The following STAG2 variants were observed in gnomAD, a reference collection of about 807,000 sequenced individuals.
The protein encoded by STAG2 is cohesin subunit SA-2.
A neutral mutation model predicts 108.1 loss-of-function variants in STAG2; 14 were observed. The ratio of observed to expected loss-of-function variants is 0.13; its 90% CI spans 0.09 to 0.20. STAG2 has a LOEUF of 0.20. STAG2 is among the 10% of genes least tolerant of loss of function. STAG2 has a pLI of 1.00. For synonymous variants in STAG2, 307 were observed against 302.7 expected (o/e 1.01, Z -0.15); for missense variants, 440 against 940.9 (o/e 0.47, Z 6.96).
At chrX:124,076,889 T>A (rs2058814692) in intron 26 of STAG2, among the ~76,000 whole-genome samples, 1 of 110,728 alleles carries the variant, frequency 9.0e-6, no homozygotes, top group African/African-American at 3.3e-5. Context: ...TTCCTTTATC[T>A]GTTCCACTGT....
intron 32 of STAG2, among the ~76,000 whole-genome samples, chrX:124,092,887 C>G (rs187095215): frequency 8.9e-6 from 1 of 112,055 alleles, no homozygotes; most frequent in East Asian, 2.8e-4. Flanking sequence ...CTACCCAGAA[C>G]TGTTAGGAAG....
At chrX:123,987,701 A>G (rs1341046621) in intron 1 of STAG2, among the ~76,000 whole-genome samples, 2 of 112,368 alleles carry the variant, frequency 1.8e-5, no homozygotes, top group Non-Finnish European at 3.8e-5. Context: ...TTTAATCAAG[A>G]GCCCTAAAGT....
intron 17 of STAG2, among the ~76,000 whole-genome samples, chrX:124,062,460 A>T (rs1186505566): frequency 8.9e-6 from 1 of 112,354 alleles, no homozygotes; most frequent in Non-Finnish European, 1.9e-5. Flanking sequence ...TCTGTTTTTT[A>T]AAAATTTCTG....
intron 1 of STAG2, among the ~76,000 whole-genome samples, chrX:124,000,365 T>C (rs1242417593): frequency 9.0e-6 from 1 of 111,591 alleles, no homozygotes; most frequent in African/African-American, 3.3e-5. Flanking sequence ...TTTTAGAATG[T>C]ACTATTACTT....
intron 1 of STAG2, among the ~76,000 whole-genome samples, chrX:124,007,648 G>T (rs929055082): frequency 8.9e-6 from 1 of 111,738 alleles, no homozygotes; most frequent in Non-Finnish European, 1.9e-5. Context: ...CTTACAACTT[G>T]GAAAAAGTGT....
intron 13 of STAG2, among the ~76,000 whole-genome samples, chrX:124,052,891 A>G (rs2148241372): frequency 9.5e-6 from 1 of 104,988 alleles, no homozygotes; most frequent in South Asian, 4.3e-4. Flanking sequence ...ATCTCGGCTC[A>G]CCGCAACCTC....
In STAG2 at chrX:124,032,305, C is replaced by G. The variant is rs187307595; in HGVS notation, c.288+1180C>G. Among the ~76,000 whole-genome samples the G allele has an allele frequency of 7.9e-3, 885 of 111,675 alleles. 28 individuals are homozygous for G. Among genetic ancestry groups the G allele is most frequent in the Admixed American group, 0.074 (774 of 10,472 alleles). ...AAGAATAAAAAGTTGGAGGCATATT[C>G]ATGTCGAATCATTCGAATTATGTTT... On this transcript the variant is annotated intron_variant, in intron 5 of 34. Transcript: ENST00000371145.
intron 1 of STAG2, among the ~76,000 whole-genome samples, chrX:123,972,517 C>T (rs1213227174): frequency 6.4e-5 from 7 of 108,843 alleles, no homozygotes; most frequent in East Asian, 5.9e-4. Flanking sequence ...GTGATCCGCC[C>T]GCCTCGGCCT....
chrX:124,034,395 A>G (rs2057441539), intron 5 of STAG2, among the ~76,000 whole-genome samples: 1 of 111,271 alleles, frequency 9.0e-6, no homozygotes. Flanking sequence ...CTTTCCATTG[A>G]TTTCCTGGAA....
intron 1 of STAG2, among the ~76,000 whole-genome samples, chrX:123,973,738 G>T (rs1225641910): frequency 9.3e-6 from 1 of 107,703 alleles, no homozygotes; most frequent in Non-Finnish European, 1.9e-5. Flanking sequence ...CAGCTATTCG[G>T]GAGGCTGAGG....
In STAG2 at chrX:124,044,695, A is replaced by G; in HGVS notation, c.463-469A>G. 2.7e-5 allele frequency among the ~76,000 whole-genome samples: 3 copies of G among 112,063 alleles called. 1 individual carries two copies. The Middle Eastern group carries it at 0.014, about 512-fold the overall frequency. On this transcript the variant is annotated intron_variant, in intron 7 of 34. Coordinates refer to ENST00000371145, the MANE Select transcript of STAG2 (RefSeq NM_001042750.2). ...TCTTTAAAAAATTATGATTGTTTATATCTGTTGACTGTGTGATGTATTTGA... is the reference window on the plus strand; with the variant it reads ...TCTTTAAAAAATTATGATTGTTTATGTCTGTTGACTGTGTGATGTATTTGA...
At chrX:124,054,261 A>G (rs1008609256) in intron 13 of STAG2, among the ~76,000 whole-genome samples, 3 of 112,326 alleles carry the variant, frequency 2.7e-5, no homozygotes, top group Non-Finnish European at 1.9e-5. Flanking sequence ...GATAATAGCT[A>G]ATATAAGCAC....
At chrX:123,987,270 G>T (rs748488418) in intron 1 of STAG2, among the ~76,000 whole-genome samples, 3 of 109,111 alleles carry the variant, frequency 2.7e-5, no homozygotes, top group African/African-American at 1.0e-4. Context: ...GATTACAGGC[G>T]TGAGCCACCG....
chrX:123,988,765 C>T (rs901794886), intron 1 of STAG2, among the ~76,000 whole-genome samples: 2 of 111,355 alleles, frequency 1.8e-5, no homozygotes, highest in Non-Finnish European at 3.8e-5. Context: ...TTGCATTCCT[C>T]ATTTACATTC....
At chrX:123,963,505 A>G (rs1006588934) in intron 1 of STAG2, 3 of 110,930 alleles carry the variant, frequency 2.7e-5, no homozygotes, top group African/African-American at 9.8e-5. Flanking sequence ...TTCTACATTG[A>G]TATCAATCTA....
At chrX:124,041,467 T>G (rs969657178) in intron 6 of STAG2, among the ~76,000 whole-genome samples, 2 of 110,768 alleles carry the variant, frequency 1.8e-5, no homozygotes, top group African/African-American at 6.6e-5. Flanking sequence ...AATATTGCTC[T>G]GGTCAATTGA....
At chrX:123,971,569 A>G (rs191285160) in intron 1 of STAG2, among the ~76,000 whole-genome samples, 19 of 112,209 alleles carry the variant, frequency 1.7e-4, no homozygotes, top group African/African-American at 5.8e-4. Context: ...GTAAAAAGAC[A>G]AGATAGTGTT....
chrX:124,095,163 G>A (rs917270436), intron 33 of STAG2, among the ~76,000 whole-genome samples: 5 of 111,839 alleles, frequency 4.5e-5, no homozygotes, highest in African/African-American at 9.8e-5. Flanking sequence ...TCCTGACCTC[G>A]TGATCCACCC....
At chrX:124,083,286 A>G in intron 28 of STAG2, 135 bp from the exon 29 acceptor site, 1 of 451,676 alleles carries the variant, frequency 2.2e-6, no homozygotes, top group South Asian at 4.1e-5. Flanking sequence ...CTCACACTTT[A>G]CAACCTGCTT....
Sources: gnomAD v4.1 joint callset for allele counts (sites outside exome capture counted in the v4.1 genomes callset) on GRCh38, gnomAD v4.1.1 for gene constraint, MANE v1.5 for transcripts, NCBI Gene and HGNC (gene_info 2026-07-23, HGNC 2026-07-21) for gene names.